The following PNP variants were observed in gnomAD, a reference collection of about 807,000 sequenced individuals.
The protein encoded by PNP is HEL-S-156an.
A neutral mutation model predicts 26.8 loss-of-function variants in PNP; 18 were observed. The observed-to-expected ratio is 0.67, with a 90% CI of 0.46 to 1.00. The LOEUF is 1.00. Ranked by LOEUF, PNP falls within the 50% of genes least tolerant of loss-of-function variation. PNP has a pLI of 0.00. For missense variants in PNP, 320 were observed against 362.9 expected (o/e 0.88, Z 0.96); for synonymous variants, 116 against 124.8 (o/e 0.93, Z 0.47).
Position 20,476,707 on chromosome 14 carries a change from A to G in PNP, c.*106A>G. ...GCCTCTGTCCTTAGGTTGTAGCAGA[A>G]AGGAAAAGATTCCTGTCCTTCACCT... On this transcript the variant is annotated 3_prime_UTR_variant, in exon 6 of 6. Coordinates refer to ENST00000361505, the MANE Select transcript of PNP (RefSeq NM_000270.4). 4 of 876,672 alleles carry G rather than the reference A, an allele frequency of 4.6e-6. No homozygotes were observed. The highest frequency in any genetic ancestry group is 7.5e-6 in the Non-Finnish European group (4 of 531,422). The allele number at this position is 876,672 out of a possible 1,614,324, so 54.3% of individuals were successfully genotyped here.
At position 20,471,636 on chromosome 14, in the gene PNP, C is replaced by G. The variant is rs143454935; in HGVS notation, c.12-672C>G. ...GTGATCCAGGGAGCTAAGAATGGCA[C>G]GTAGACCTCTACCAGGGGTGGTCCC... On this transcript the variant is annotated intron_variant, in intron 1 of 5. Coordinates refer to ENST00000361505, the MANE Select transcript of PNP (RefSeq NM_000270.4). Among the ~76,000 whole-genome samples the G allele has an allele frequency of 2.3e-3, 351 of 152,176 alleles. 3 individuals are homozygous for G. Among genetic ancestry groups the G allele is most frequent in the African/African-American group, 8.0e-3 (331 of 41,524 alleles).
rs1285987312 is a variant in PNP at position 20,475,093 on chromosome 14, G to T, written c.493G>T (p.Ala165Ser). 1 of 1,614,218 alleles carries T rather than the reference G, an allele frequency of 6.2e-7. No individual in the cohort carries two copies. The highest frequency in any genetic ancestry group is 8.5e-7 in the Non-Finnish European group (1 of 1,180,042). ...FGDRFPAMSD[A>S]YDRTMRQRAL... The stretch of plus-strand genomic sequence containing the variant: ...AGATCGTTTCCCTGCCATGTCTGAT[G>T]CCTACGACCGGACTATGAGGCAGAG... The change falls in exon 5 of 6, where the codon GCC (alanine) becomes TCC (serine). Residue 165 changes from alanine (A) to serine (S), a missense_variant. Transcript: ENST00000361505.
At chr14:20,473,067 A>C (rs1290532757) in intron 2 of PNP, 1 of 152,664 alleles carries the variant, frequency 6.6e-6, no homozygotes, top group Non-Finnish European at 1.5e-5. Context: ...TAAGTGGGTT[A>C]GTTTTTTTAA....
chr14:20,469,518 C>T lies in PNP; in HGVS notation c.-7C>T. 4.5e-6 allele frequency: 7 copies of T among 1,552,506 alleles called. No homozygotes were observed. The highest frequency in any genetic ancestry group is 6.1e-6 in the Non-Finnish European group (7 of 1,148,406). Reference sequence around the variant, plus strand: ...AGCAGGCTCATCGAGAAGGCGTCTGCGAGACCATGGAGAACGGGTGAGGAG... The same window carrying T: ...AGCAGGCTCATCGAGAAGGCGTCTGTGAGACCATGGAGAACGGGTGAGGAG... On this transcript the variant is annotated 5_prime_UTR_variant, in exon 1 of 6. Coordinates refer to ENST00000361505, the MANE Select transcript of PNP (RefSeq NM_000270.4).
rs1260896460 is a variant in PNP at position 20,475,099 on chromosome 14, G to A, written c.499G>A (p.Asp167Asn). The A allele has an allele frequency of 1.2e-6, 2 of 1,614,152 alleles. No individual in the cohort carries two copies. Among genetic ancestry groups the A allele is most frequent in the East Asian group, 2.2e-5 (1 of 44,882 alleles). Residue 167 changes from aspartate (D) to asparagine (N), a missense_variant, in exon 5 of 6, where the codon GAC becomes AAC. Transcript: ENST00000361505. Reference protein sequence around the residue: ...DRFPAMSDAYDRTMRQRALST... With the variant: ...DRFPAMSDAYNRTMRQRALST... ...TTTCCCTGCCATGTCTGATGCCTACGACCGGACTATGAGGCAGAGGGCTCT... is the reference window on the plus strand; with the variant it reads ...TTTCCCTGCCATGTCTGATGCCTACAACCGGACTATGAGGCAGAGGGCTCT...
At chr14:20,476,110 A>G (rs1040037281) in intron 5 of PNP, among the ~76,000 whole-genome samples, 11 of 152,002 alleles carry the variant, frequency 7.2e-5, no homozygotes, top group Non-Finnish European at 1.6e-4. Flanking sequence ...AGTAACGGGG[A>G]CCACAGGCGT....
At chr14:20,471,540 C>G (rs1027089901) in intron 1 of PNP, among the ~76,000 whole-genome samples, 1 of 152,030 alleles carries the variant, frequency 6.6e-6, no homozygotes, top group Non-Finnish European at 1.5e-5. Context: ...CTTTGACAAC[C>G]AGTACTGTGG....
Position 20,472,447 on chromosome 14 carries a change from G to C in PNP, c.151G>C (p.Gly51Arg). Residue 51 changes from glycine to arginine, a missense_variant, in exon 2 of 6, where the codon GGT becomes CGT. Gly to Arg is a moderately radical substitution (Grantham distance 125). Coordinates refer to ENST00000361505, the MANE Select transcript of PNP (RefSeq NM_000270.4). ...AACTCAGGCCCAGATCTTTGACTAC[G>C]GTGAAATCCCCAACTTTCCCCGAAG... is the stretch of plus-strand genomic sequence containing the variant. Reference protein sequence around the residue: ...KLTQAQIFDYGEIPNFPRSTV... With the variant: ...KLTQAQIFDYREIPNFPRSTV... 5.6e-6 allele frequency: 9 copies of C among 1,613,506 alleles called. No individual in the cohort carries two copies. Among genetic ancestry groups the C allele is most frequent in the Non-Finnish European group, 7.6e-6 (9 of 1,179,530 alleles).
intron 5 of PNP, among the ~76,000 whole-genome samples, chr14:20,475,456 C>T (rs1176551092): frequency 1.3e-5 from 2 of 152,176 alleles, no homozygotes; most frequent in Non-Finnish European, 2.9e-5. Flanking sequence ...GGGTTAACAG[C>T]TGCAGTGCTA....
At chr14:20,472,540 A>C in intron 2 of PNP, 63 bp downstream of exon 2, 1 of 1,478,354 alleles carries the variant, frequency 6.8e-7, no homozygotes, top group South Asian at 1.1e-5. Context: ...GTGGAACACA[A>C]CCAAGGAGGC....
At chr14:20,474,109 A>G in intron 2 of PNP, 1 of 312,502 alleles carries the variant, frequency 3.2e-6, no homozygotes, top group South Asian at 2.8e-5. Flanking sequence ...ATAAGTGAGA[A>G]CATGTAGTAT....
In PNP at chr14:20,476,775, T is replaced by C. The variant is rs1278459556; in HGVS notation, c.*174T>C. On this transcript the variant is annotated 3_prime_UTR_variant, in exon 6 of 6. Transcript: ENST00000361505. The stretch of plus-strand genomic sequence containing the variant: ...CAGACCCTTCTGGTGCCAGATCCTC[T>C]TCTCAAAGCTGGGATTACAGGTGTG... The C allele has an allele frequency of 6.0e-6, 4 of 670,644 alleles. No homozygotes were observed. Among genetic ancestry groups the C allele is most frequent in the Non-Finnish European group, 1.1e-5 (4 of 369,718 alleles). 41.5% of individuals were successfully genotyped at this position (670,644 alleles called of 1,614,324 possible).
intron 2 of PNP, 188 bp from the exon 3 acceptor site, chr14:20,474,279 TTTGTA>T: frequency 1.7e-6 from 1 of 574,570 alleles, no homozygotes; most frequent in South Asian, 1.9e-5. Flanking sequence ...TTGGGTTGTA[TTTGTA>T]TAATTATTAG....
chr14:20,473,285 G>T (rs1226905997), intron 2 of PNP: 1 of 152,208 alleles, frequency 6.6e-6, no homozygotes, highest in Non-Finnish European at 1.5e-5. Flanking sequence ...GGTAATAATG[G>T]CTGTTATGTC....
intron 1 of PNP, among the ~76,000 whole-genome samples, chr14:20,471,327 G>T (rs555891589): frequency 4.7e-4 from 71 of 151,290 alleles, no homozygotes; most frequent in African/African-American, 1.4e-3. Flanking sequence ...GGGGTTACAG[G>T]CATGAGCCAC....
chr14:20,474,740 T>C lies in PNP; in HGVS notation c.286-33T>C, dbSNP rs199594175. The C allele has an allele frequency of 1.2e-4, 192 of 1,610,228 alleles. 1 individual carries two copies. Among genetic ancestry groups the C allele is most frequent in the South Asian group, 4.4e-4 (40 of 90,656 alleles). ...TCAGTGTAGCTGAATTAATGAAATT[T>C]TGTAAATTTTTTTCGGATTGTTTGC... On this transcript the variant is annotated intron_variant, in intron 3 of 5. Transcript: ENST00000361505.
rs1882118035 is a variant in PNP, at chr14:20,476,526, AC to A, written c.796del (p.Gln266LysfsTer56). On this transcript the variant is annotated frameshift_variant, in exon 6 of 6. Coordinates refer to ENST00000361505, the MANE Select transcript of PNP (RefSeq NM_000270.4). LOFTEE classifies it low-confidence loss of function (END_TRUNC). Reference protein sequence around the residue: ...NHEEVLAAGKQAAQKLEQFVS... With the variant: ...NHEEVLAAGKXAAQKLEQFVS... ...ATGAAGAAGTCTTAGCAGCTGGCAAACAAGCTGCACAGAAATTGGAACAGTT... is the reference window on the plus strand; with the variant it reads ...ATGAAGAAGTCTTAGCAGCTGGCAAAAAGCTGCACAGAAATTGGAACAGTT... 1 of 1,614,090 alleles carries A rather than the reference AC, an allele frequency of 6.2e-7. No homozygotes were observed. The highest frequency in any genetic ancestry group is 1.3e-5 in the African/African-American group (1 of 74,922).
At chr14:20,471,450 C>G (rs997356738) in intron 1 of PNP, among the ~76,000 whole-genome samples, 1 of 151,712 alleles carries the variant, frequency 6.6e-6, no homozygotes, top group Non-Finnish European at 1.5e-5. Context: ...GGGTCTCACT[C>G]TGTCACCAGG....
At chr14:20,472,238 C>A in intron 1 of PNP, 70 bp from the exon 2 acceptor site, 2 of 1,391,558 alleles carry the variant, frequency 1.4e-6, no homozygotes, top group Non-Finnish European at 2.0e-6. Flanking sequence ...CCTTTTTGCA[C>A]CGAAGGTCAT....
Sources: gnomAD v4.1 joint callset for allele counts (sites outside exome capture counted in the v4.1 genomes callset) on GRCh38, gnomAD v4.1.1 for gene constraint, MANE v1.5 for transcripts, NCBI Gene and HGNC (gene_info 2026-07-23, HGNC 2026-07-21) for gene names.